USP10: variants seen among roughly 807,000 people sequenced by gnomAD.
USP10 encodes ubiquitin carboxyl-terminal hydrolase 10.
A neutral mutation model predicts 84.5 loss-of-function variants in USP10; 22 were observed. That is an observed-to-expected ratio of 0.26 (90% CI 0.19 to 0.37). The LOEUF is 0.37. Among genes scored for constraint, USP10 ranks in the 10% least tolerant of loss-of-function variants. The probability of loss-of-function intolerance (pLI) is 1.00; values close to 1 mark genes in which losing one functional copy is unlikely to be tolerated. For synonymous variants in USP10, 454 were observed against 387.6 expected, an observed-to-expected ratio of 1.17 and a Z score of -2.01; for missense variants, 1,019 against 998.9, an observed-to-expected ratio of 1.02 and a Z score of -0.27.
intron 3 of USP10, among the ~76,000 whole-genome samples, chr16:84,741,455 C>T (rs777894633): frequency 2.0e-5 from 3 of 152,226 alleles, no homozygotes; most frequent in African/African-American, 7.2e-5. Context: ...GGTGAGCATG[C>T]TGCTCATGTT....
chr16:84,745,963 C>G (rs1423849162), intron 4 of USP10, among the ~76,000 whole-genome samples: 1 of 152,204 alleles, frequency 6.6e-6, no homozygotes, highest in Non-Finnish European at 1.5e-5. Flanking sequence ...AGTAATTCTG[C>G]TCCACGGTAT....
chr16:84,732,804 G>T lies in USP10; in HGVS notation c.22-631G>T, dbSNP rs375880108. Among the ~76,000 whole-genome samples, 9 of 152,318 alleles carry T rather than the reference G, an allele frequency of 5.9e-5. 1 individual carries two copies. The highest frequency in any genetic ancestry group is 5.2e-4 in the Admixed American group (8 of 15,302). On this transcript the variant is annotated intron_variant, in intron 1 of 13. Coordinates refer to ENST00000219473, the MANE Select transcript of USP10 (RefSeq NM_005153.3). ...AATATGAACTGGTAGGCACTTGCCA[G>T]ACTCACATCCGTGCAGTTTAACCAC...
intron 10 of USP10, among the ~76,000 whole-genome samples, chr16:84,764,703 C>T (rs1325113219): frequency 2.0e-5 from 3 of 151,942 alleles, no homozygotes; most frequent in African/African-American, 4.8e-5. Context: ...TGGTGACAGG[C>T]ACCTGTAATC....
chr16:84,742,983 A>G (rs1910798109), intron 3 of USP10, among the ~76,000 whole-genome samples: 1 of 152,176 alleles, frequency 6.6e-6, no homozygotes, highest in South Asian at 2.1e-4. Context: ...TCTAGTTTCT[A>G]ATGTGATTTC....
intron 4 of USP10, among the ~76,000 whole-genome samples, chr16:84,746,181 G>A (rs1911204521): frequency 6.6e-6 from 1 of 151,996 alleles, no homozygotes; most frequent in Non-Finnish European, 1.5e-5. Context: ...AAATGTTAAG[G>A]GTTCAGCCCA....
chr16:84,719,132 A>C (rs1175297756), intron 1 of USP10, among the ~76,000 whole-genome samples: 2 of 152,100 alleles, frequency 1.3e-5, no homozygotes, highest in Admixed American at 6.5e-5. Context: ...GCCTTTATTA[A>C]CTTGTTAATG....
At chr16:84,772,368 G>C (rs372460340) in intron 11 of USP10, among the ~76,000 whole-genome samples, 173 bp from the exon 12 acceptor site, 1 of 152,180 alleles carries the variant, frequency 6.6e-6, no homozygotes, top group African/African-American at 2.4e-5. Context: ...ATTTTCTTAA[G>C]AGGAGCATTG....
chr16:84,740,223 T>G, intron 2 of USP10, 86 bp from the exon 3 acceptor site: 1 of 1,249,712 alleles, frequency 8.0e-7, no homozygotes, highest in Non-Finnish European at 1.1e-6. Context: ...ATTAAGAGTT[T>G]TAATGAATTG....
intron 11 of USP10, among the ~76,000 whole-genome samples, chr16:84,770,827 G>A (rs1914368878): frequency 6.6e-6 from 1 of 150,964 alleles, no homozygotes; most frequent in South Asian, 2.1e-4. Context: ...CAGCATTTTC[G>A]GAGGCTGAGG....
intron 2 of USP10, among the ~76,000 whole-genome samples, chr16:84,739,216 G>T (rs909092005): frequency 6.6e-5 from 10 of 150,592 alleles, no homozygotes; most frequent in Non-Finnish European, 1.2e-4. Flanking sequence ...CCACCACCAT[G>T]CCCGGCTAAT....
At chr16:84,703,623 T>A (rs1045080878) in intron 1 of USP10, among the ~76,000 whole-genome samples, 1 of 152,272 alleles carries the variant, frequency 6.6e-6, no homozygotes, top group Non-Finnish European at 1.5e-5. Context: ...GTTTGAAATG[T>A]TGACAGGGCA....
At chr16:84,719,230 C>A (rs1473305869) in intron 1 of USP10, among the ~76,000 whole-genome samples, 1 of 152,164 alleles carries the variant, frequency 6.6e-6, no homozygotes, top group Admixed American at 6.5e-5. Context: ...GAGTAATTAT[C>A]TCAAATTATT....
chr16:84,711,210 C>T (rs1418448518), intron 1 of USP10, among the ~76,000 whole-genome samples: 2 of 152,138 alleles, frequency 1.3e-5, no homozygotes, highest in African/African-American at 4.8e-5. Context: ...TGCTCTGTGC[C>T]AGGGCCCGTG....
chr16:84,741,138 T>A (rs892807565), intron 3 of USP10, among the ~76,000 whole-genome samples: 6 of 152,204 alleles, frequency 3.9e-5, no homozygotes, highest in Admixed American at 2.0e-4. Context: ...TGGTCAGACT[T>A]ATGAAAGGGG....
At chr16:84,739,905 A>G (rs1185151559) in intron 2 of USP10, among the ~76,000 whole-genome samples, 1 of 152,222 alleles carries the variant, frequency 6.6e-6, no homozygotes, top group African/African-American at 2.4e-5. Context: ...GTGATCGTGA[A>G]TAAGAGGTGC....
chr16:84,715,461 G>A (rs972677529), intron 1 of USP10, among the ~76,000 whole-genome samples: 1 of 152,014 alleles, frequency 6.6e-6, no homozygotes. Context: ...TGGGTAATGA[G>A]CTAGTCTTGA....
intron 4 of USP10, 56 bp downstream of exon 4, chr16:84,745,729 G>C: frequency 6.6e-7 from 1 of 1,520,154 alleles, no homozygotes; most frequent in South Asian, 1.2e-5. Flanking sequence ...CTCATCAACT[G>C]GGCTTATAGA....
Position 84,779,915 on chromosome 16 carries a change from G to C in USP10, c.*833G>C, listed in dbSNP as rs1174489194. Reference sequence around the variant, plus strand: ...GCCCATCAATAAAAATCACAAAGTTGGTTTAAAGGTGTGTGCGTGTTTCTT... The same window carrying C: ...GCCCATCAATAAAAATCACAAAGTTCGTTTAAAGGTGTGTGCGTGTTTCTT... On this transcript the variant is annotated 3_prime_UTR_variant, in exon 14 of 14. Transcript: ENST00000219473. The C allele has an allele frequency of 6.6e-6, 1 of 152,142 alleles. No individual in the cohort carries two copies. The highest frequency in any genetic ancestry group is 1.5e-5 in the Non-Finnish European group (1 of 68,028). 9.4% of individuals were successfully genotyped at this position (152,142 alleles called of 1,614,324 possible).
At position 84,744,705 on chromosome 16, in the gene USP10, C is replaced by T; in HGVS notation, c.224C>T (p.Pro75Leu). 2 of 1,613,556 alleles carry T rather than the reference C, an allele frequency of 1.2e-6. No individual in the cohort carries two copies. The highest frequency in any genetic ancestry group is 1.1e-5 in the South Asian group (1 of 91,050). ...IEPSDTLPRT[P>L]SYSISSTLNP... The stretch of plus-strand genomic sequence containing the variant: ...CCCAGTGACACTTTGCCGAGAACCC[C>T]CAGCTACAGTATTTCAAGCACACTG... The change falls in exon 4 of 14, where the codon CCC becomes CTC. Residue 75 changes from proline (P) to leucine (L), a missense_variant. Physicochemically the swap from Pro to Leu is moderately conservative, Grantham distance 98 (BLOSUM62 -3). Transcript: ENST00000219473.
Sources: allele counts gnomAD v4.1 joint callset (sites outside exome capture counted in the v4.1 genomes callset), GRCh38; gene constraint gnomAD v4.1.1; transcripts MANE v1.5; gene names NCBI Gene and HGNC (gene_info 2026-07-23, HGNC 2026-07-21).